Variants in IZUMO4 observed in about 807,000 individuals in gnomAD.
The protein encoded by IZUMO4 is IZUMO family member 4, also known as izumo sperm-egg fusion protein 4.
Under a neutral mutation model 37.1 loss-of-function variants are expected in IZUMO4, and 51 were observed. The observed-to-expected ratio is 1.38, with a 90% CI of 1.10 to 1.74. IZUMO4 has a LOEUF of 1.74. Ranked by LOEUF, IZUMO4 falls within the 40% of genes most tolerant of loss-of-function variation. The pLI is 0.00. For missense variants in IZUMO4, 364 were observed against 299.6 expected (o/e 1.21, Z -1.59); for synonymous variants, 162 against 121.4 (o/e 1.33, Z -2.20).
At chr19:2,098,838 G>A (rs763563906) in intron 8 of IZUMO4, 34 bp downstream of exon 8, 17 of 1,579,250 alleles carry the variant, frequency 1.1e-5, no homozygotes, top group Non-Finnish European at 1.3e-5. Flanking sequence ...TCAGGGGGAG[G>A]GGGTAAAGGG....
intron 7 of IZUMO4, 61 bp from the exon 8 acceptor site, chr19:2,098,726 G>A (rs976961034): frequency 1.0e-5 from 16 of 1,600,032 alleles, no homozygotes; most frequent in Non-Finnish European, 1.4e-5. Flanking sequence ...GCCTGGGAGG[G>A]TTCCCTACGA....
intron 2 of IZUMO4, 30 bp from the exon 3 acceptor site, chr19:2,097,394 G>A: frequency 1.3e-6 from 2 of 1,596,716 alleles, no homozygotes; most frequent in Non-Finnish European, 1.7e-6. Flanking sequence ...CACCGCCTGA[G>A]CCTGACCTTC....
intron 1 of IZUMO4, 34 bp from the exon 2 acceptor site, chr19:2,097,212 CGGGGCA>C: frequency 5.0e-6 from 8 of 1,607,428 alleles, no homozygotes; most frequent in Non-Finnish European, 6.0e-6. Context: ...AGCGAGACCC[CGGGGCA>C]GGCCGGTCAC....
intron 9 of IZUMO4, 55 bp downstream of exon 9, chr19:2,099,084 C>T: frequency 1.3e-6 from 2 of 1,543,044 alleles, no homozygotes; most frequent in South Asian, 2.2e-5. Flanking sequence ...TAAGCCAACA[C>T]CAGCGTGCCG....
rs2017717838 is a variant in IZUMO4 at position 2,097,043 on chromosome 19, G to A, written c.98G>A (p.Arg33His). The stretch of plus-strand genomic sequence containing the variant: ...TTCTCCAAGAAGTTCTCCTTCTACC[G>A]CCACCATGTGAACTTCAAGTCCTGG... ...SNFSKKFSFY[R>H]HHVNFKSWWV... is the part of the protein sequence containing the mutation. The change falls in exon 1 of 10, where the codon CGC becomes CAC. Residue 33 changes from arginine to histidine, a missense_variant. Transcript: ENST00000395301. 3 of 1,612,476 alleles carry A rather than the reference G, an allele frequency of 1.9e-6. No individual in the cohort carries two copies. The South Asian group carries it at 3.3e-5, about 18-fold the overall frequency.
At chr19:2,097,817 G>A in intron 3 of IZUMO4, 112 bp from the exon 4 acceptor site, 5 of 1,359,432 alleles carry the variant, frequency 3.7e-6, no homozygotes, top group Admixed American at 1.9e-5. Flanking sequence ...AACCAGGTGA[G>A]CCTGGGCCCC....
intron 6 of IZUMO4, 36 bp downstream of exon 6, chr19:2,098,370 G>C: frequency 6.2e-7 from 1 of 1,613,990 alleles, no homozygotes; most frequent in East Asian, 2.2e-5. Flanking sequence ...AAGCTCACCT[G>C]GGCCTGGGAG....
intron 5 of IZUMO4, 38 bp downstream of exon 5, chr19:2,098,165 C>G (rs375787796): frequency 2.1e-5 from 34 of 1,609,696 alleles, no homozygotes; most frequent in Middle Eastern, 1.6e-4. Context: ...TGCCAGGGCC[C>G]TACTGTCCCT....
At chr19:2,099,190 GC>G in intron 9 of IZUMO4, 64 bp from the exon 10 acceptor site, 1 of 1,501,280 alleles carries the variant, frequency 6.7e-7, no homozygotes, top group Admixed American at 1.7e-5. Context: ...GAGGCCTGGG[GC>G]CCCCAGGGAG....
intron 3 of IZUMO4, 97 bp from the exon 4 acceptor site, chr19:2,097,832 C>A: frequency 6.7e-7 from 1 of 1,483,166 alleles, no homozygotes. Flanking sequence ...GGCCCCAGTG[C>A]CGAGGGACAG....
Position 2,098,130 on chromosome 19 carries a change from A to G in IZUMO4, c.473+3A>G, listed in dbSNP as rs2017769575. On this transcript the variant is annotated splice_donor_region_variant and intron_variant, in intron 5 of 9. Coordinates refer to ENST00000395301, the MANE Select transcript of IZUMO4 (RefSeq NM_001039846.2). ...GCCTGCTTTGGCTATAACTGCGAGT[A>G]GGGCTCAGGCATCACACCCACCCGT... 9 of 1,613,456 alleles carry G rather than the reference A, an allele frequency of 5.6e-6. No homozygotes were observed. Among genetic ancestry groups the G allele is most frequent in the East Asian group, 2.2e-5 (1 of 44,892 alleles).
intron 4 of IZUMO4, 46 bp from the exon 5 acceptor site, chr19:2,098,006 C>T (rs377446917): frequency 7.1e-5 from 114 of 1,612,904 alleles, no homozygotes; most frequent in Non-Finnish European, 9.2e-5. Context: ...CAGCTCGGGG[C>T]CCTGGAGGCT....
At position 2,098,128 on chromosome 19, in the gene IZUMO4, G is replaced by A. The variant is rs760211556; in HGVS notation, c.473+1G>A. 4.3e-6 allele frequency: 7 copies of A among 1,613,400 alleles called. No homozygotes were observed. Among genetic ancestry groups the A allele is most frequent in the African/African-American group, 1.3e-5 (1 of 74,956 alleles). ...TCGCCTGCTTTGGCTATAACTGCGA[G>A]TAGGGCTCAGGCATCACACCCACCC... On this transcript the variant is annotated splice_donor_variant, in intron 5 of 9. Coordinates refer to ENST00000395301, the MANE Select transcript of IZUMO4 (RefSeq NM_001039846.2). LOFTEE classifies it high-confidence loss of function.
chr19:2,098,692 C>G, intron 7 of IZUMO4, 95 bp from the exon 8 acceptor site: 1 of 1,573,280 alleles, frequency 6.4e-7, no homozygotes, highest in Non-Finnish European at 8.6e-7. Flanking sequence ...TCTGGTTCCA[C>G]CCCATCCCAG....
chr19:2,097,769 G>A, intron 3 of IZUMO4, 160 bp from the exon 4 acceptor site: 1 of 922,370 alleles, frequency 1.1e-6, no homozygotes, highest in African/African-American at 1.7e-5. Context: ...TCAACCTGGG[G>A]ACCCCTTCCC....
chr19:2,099,491 G>A lies in IZUMO4; in HGVS notation c.*146G>A, dbSNP rs1014490623. 107 of 585,098 alleles carry A rather than the reference G, an allele frequency of 1.8e-4. 3 individuals are homozygous for A. The highest frequency in any genetic ancestry group is 9.4e-4 in the Middle Eastern group (2 of 2,138). 36.2% of individuals were successfully genotyped at this position (585,098 alleles called of 1,614,324 possible). ...CTGAGCTGGCCAGGGCCAGGAGGGC[G>A]GGAGGGAGGGAATGGGGGTGGGCTG... On this transcript the variant is annotated 3_prime_UTR_variant, in exon 10 of 10. Coordinates refer to ENST00000395301, the MANE Select transcript of IZUMO4 (RefSeq NM_001039846.2).
Position 2,097,125 on chromosome 19 carries a change from G to C in IZUMO4, c.180G>C (p.Thr60=). 1 of 1,612,388 alleles carries C rather than the reference G, an allele frequency of 6.2e-7. No homozygotes were observed. Among genetic ancestry groups the C allele is most frequent in the Non-Finnish European group, 8.5e-7 (1 of 1,179,762 alleles). ...TGCTCACCGACTGGAGCGACGACAC[G>C]ATGAAGGAGCTGCACCTGGCCATCC... is the stretch of plus-strand genomic sequence containing the variant. ...GALLTDWSDD[T]MKELHLAIPA... The change falls in exon 1 of 10, where the codon ACG becomes ACC. Residue 60 remains threonine (T), a synonymous_variant. Transcript: ENST00000395301.
chr19:2,097,185 G>C (rs371354969), intron 1 of IZUMO4, 23 bp downstream of exon 1: 1 of 1,606,680 alleles, frequency 6.2e-7, no homozygotes, highest in Non-Finnish European at 8.5e-7. Context: ...GCCCAGCCCA[G>C]TCCCGACTAC....
At position 2,098,268 on chromosome 19, in the gene IZUMO4, C is replaced by G; in HGVS notation, c.474-19C>G. On this transcript the variant is annotated intron_variant, in intron 5 of 9. Coordinates refer to ENST00000395301, the MANE Select transcript of IZUMO4 (RefSeq NM_001039846.2). Reference sequence around the variant, plus strand: ...CCGTGGGTTCAGGGGCGCACCACTTCCAAGCCTGTGTCCCACAGGTCCTCG... The same window carrying G: ...CCGTGGGTTCAGGGGCGCACCACTTGCAAGCCTGTGTCCCACAGGTCCTCG... The G allele has an allele frequency of 6.2e-7, 1 of 1,613,676 alleles. No individual in the cohort carries two copies. Among genetic ancestry groups the G allele is most frequent in the South Asian group, 1.1e-5 (1 of 91,074 alleles).
Sources: allele counts gnomAD v4.1 joint callset, GRCh38; gene constraint gnomAD v4.1.1; transcripts MANE v1.5; gene names NCBI Gene and HGNC (gene_info 2026-07-23, HGNC 2026-07-21).